Variants in PTPRM observed in about 807,000 individuals in gnomAD.
PTPRM encodes receptor-type tyrosine-protein phosphatase mu.
Under a neutral mutation model 186.7 loss-of-function variants are expected in PTPRM, and 47 were observed. The observed-to-expected ratio is 0.25, with a 90% CI of 0.20 to 0.32. The LOEUF is 0.32. Among genes scored for constraint, PTPRM ranks in the 10% least tolerant of loss-of-function variants. PTPRM has a pLI of 1.00. For missense variants in PTPRM, 1,494 were observed against 1,865.0 expected, an observed-to-expected ratio of 0.80 and a Z score of 3.66; for synonymous variants, 668 against 674.9, an observed-to-expected ratio of 0.99 and a Z score of 0.16.
intron 17 of PTPRM, among the ~76,000 whole-genome samples, chr18:8,251,216 C>T (rs77742887): frequency 7.2e-4 from 109 of 152,264 alleles, no homozygotes; most frequent in African/African-American, 2.5e-3. Flanking sequence ...GGTGTATCCA[C>T]GTGAAGGACC....
intron 1 of PTPRM, among the ~76,000 whole-genome samples, chr18:7,653,027 A>G (rs2038755940): frequency 6.6e-6 from 1 of 152,046 alleles, no homozygotes. Context: ...TACCTCATCA[A>G]AGAAAATGGC....
At chr18:8,374,170 A>G (rs1019455628) in intron 24 of PTPRM, among the ~76,000 whole-genome samples, 1 of 152,182 alleles carries the variant, frequency 6.6e-6, no homozygotes, top group Non-Finnish European at 1.5e-5. Context: ...ATTTTGAGAA[A>G]TGTTTTCTAC....
At chr18:7,589,932 C>T (rs1011456333) in intron 1 of PTPRM, among the ~76,000 whole-genome samples, 4 of 152,196 alleles carry the variant, frequency 2.6e-5, no homozygotes, top group African/African-American at 4.8e-5. Context: ...ATGCTTAACA[C>T]GTGCTGCATG....
chr18:7,947,668 A>G (rs1276358232), intron 5 of PTPRM, among the ~76,000 whole-genome samples: 2 of 152,106 alleles, frequency 1.3e-5, no homozygotes, highest in African/African-American at 4.8e-5. Context: ...TCCTATAACT[A>G]GAATGCTCTT....
At chr18:8,045,898 C>A (rs1320111625) in intron 7 of PTPRM, among the ~76,000 whole-genome samples, 1 of 152,154 alleles carries the variant, frequency 6.6e-6, no homozygotes, top group Non-Finnish European at 1.5e-5. Flanking sequence ...AGCAGACTTC[C>A]ACAAATCAAG....
chr18:8,151,164 G>T (rs2098265), intron 14 of PTPRM, among the ~76,000 whole-genome samples: 7,285 of 152,206 alleles, frequency 0.048, 393 homozygotes, highest in African/African-American at 0.13. Flanking sequence ...CACTGTGCTG[G>T]TAGATCTGCT....
intron 22 of PTPRM, among the ~76,000 whole-genome samples, chr18:8,319,613 T>C (rs906470698): frequency 3.9e-5 from 6 of 152,278 alleles, no homozygotes; most frequent in Admixed American, 1.3e-4. Context: ...TTGTGTTTAG[T>C]GGGGAAGATG....
At chr18:8,047,574 A>C (rs76771691) in intron 7 of PTPRM, among the ~76,000 whole-genome samples, 7,600 of 152,230 alleles carry the variant, frequency 0.05, 254 homozygotes, top group Non-Finnish European at 0.079. Flanking sequence ...ATGTGTGTAC[A>C]TGTTTCCCAT....
At chr18:8,180,308 G>T (rs1568474833) in intron 14 of PTPRM, among the ~76,000 whole-genome samples, 1 of 152,172 alleles carries the variant, frequency 6.6e-6, no homozygotes, top group Non-Finnish European at 1.5e-5. Context: ...AATCTGTAAG[G>T]ATCTGCAGCA....
intron 17 of PTPRM, among the ~76,000 whole-genome samples, chr18:8,248,721 C>G (rs967959933): frequency 1.3e-5 from 2 of 152,210 alleles, no homozygotes; most frequent in Non-Finnish European, 2.9e-5. Flanking sequence ...CCCACCCCCC[C>G]ACCAACATTC....
In PTPRM at chr18:7,946,803, T is replaced by C. The variant is rs984364153; in HGVS notation, c.664-2378T>C. On this transcript the variant is annotated intron_variant, in intron 5 of 32. Transcript: ENST00000580170. Reference sequence around the variant, plus strand: ...ACTAAAGATAATGTTGATGGAACTGTTCTTCCCCACTCGTGATGTTTCCTT... The same window carrying C: ...ACTAAAGATAATGTTGATGGAACTGCTCTTCCCCACTCGTGATGTTTCCTT... 4.8e-5 allele frequency: 19 copies of C among 392,166 alleles called. No homozygotes were observed. In the Admixed American group the frequency reaches 5.3e-4, roughly 11 times the overall value. 24.3% of individuals were successfully genotyped at this position (392,166 alleles called of 1,614,324 possible). A position where few individuals can be genotyped will look rare whatever the true frequency, so the allele number is the denominator to read the frequency against.
chr18:7,686,027 G>C (rs2039594565), intron 1 of PTPRM, among the ~76,000 whole-genome samples: 1 of 152,142 alleles, frequency 6.6e-6, no homozygotes, highest in South Asian at 2.1e-4. Flanking sequence ...GATTGAGAGA[G>C]ATAGAGGGTA....
intron 2 of PTPRM, among the ~76,000 whole-genome samples, chr18:7,797,938 T>G (rs2043751998): frequency 6.6e-6 from 1 of 152,200 alleles, no homozygotes; most frequent in Admixed American, 6.5e-5. Flanking sequence ...AACCTTGATA[T>G]CTGCCTTGAC....
intron 5 of PTPRM, 51 bp from the exon 6 acceptor site, chr18:7,949,130 T>C: frequency 6.8e-7 from 1 of 1,478,962 alleles, no homozygotes; most frequent in Non-Finnish European, 9.3e-7. Flanking sequence ...ACTGTTTTGC[T>C]CTGACAGCTT....
intron 1 of PTPRM, among the ~76,000 whole-genome samples, chr18:7,702,439 C>T (rs2039986958): frequency 6.6e-6 from 1 of 152,116 alleles, no homozygotes; most frequent in South Asian, 2.1e-4. Context: ...CTCTAATGAC[C>T]AGTGATGATG....
At chr18:7,967,687 A>C (rs2054236314) in intron 7 of PTPRM, among the ~76,000 whole-genome samples, 1 of 134,436 alleles carries the variant, frequency 7.4e-6, no homozygotes, top group African/African-American at 3.0e-5. Context: ...GATGCGATCA[A>C]CTGGAAGAAA....
At chr18:8,029,521 C>G (rs1230548065) in intron 7 of PTPRM, among the ~76,000 whole-genome samples, 1 of 152,172 alleles carries the variant, frequency 6.6e-6, no homozygotes, top group Non-Finnish European at 1.5e-5. Context: ...TGGAGTGTCA[C>G]CTCTTTTGGG....
intron 3 of PTPRM, among the ~76,000 whole-genome samples, chr18:7,902,621 GT>G (rs1432701249): frequency 6.6e-6 from 1 of 152,068 alleles, no homozygotes; most frequent in Non-Finnish European, 1.5e-5. Flanking sequence ...CATGTTTCTT[GT>G]TTTTTCCCTA....
At chr18:7,805,554 G>A (rs2044192827) in intron 2 of PTPRM, among the ~76,000 whole-genome samples, 1 of 152,166 alleles carries the variant, frequency 6.6e-6, no homozygotes, top group Non-Finnish European at 1.5e-5. Flanking sequence ...TCTTTTGACA[G>A]TAGGTTGAGA....
Sources: gnomAD v4.1 joint callset for allele counts (sites outside exome capture counted in the v4.1 genomes callset) on GRCh38, gnomAD v4.1.1 for gene constraint, MANE v1.5 for transcripts, NCBI Gene and HGNC (gene_info 2026-07-23, HGNC 2026-07-21) for gene names.